GRM3: variants seen among roughly 807,000 people sequenced by gnomAD.
The protein encoded by GRM3 is glutamate metabotropic receptor 3.
A neutral mutation model predicts 70.5 loss-of-function variants in GRM3; 26 were observed. That is an observed-to-expected ratio of 0.37 (90% confidence interval 0.27 to 0.51). The LOEUF is 0.51. Ranked by LOEUF, GRM3 falls within the 20% of genes least tolerant of loss-of-function variation. The probability of loss-of-function intolerance (pLI) is 0.93; values close to 1 mark genes in which losing one functional copy is unlikely to be tolerated. For synonymous variants in GRM3, 443 were observed against 434.9 expected (o/e 1.02, Z -0.23); for missense variants, 859 against 1,123.8 (o/e 0.76, Z 3.37).
At chr7:86,819,567 C>T (rs925096034) in intron 3 of GRM3, among the ~76,000 whole-genome samples, 13 of 152,080 alleles carry the variant, frequency 8.5e-5, no homozygotes, top group South Asian at 2.1e-4. Context: ...CGAGTTGAAA[C>T]TAATGCCATG....
intron 1 of GRM3, among the ~76,000 whole-genome samples, chr7:86,718,161 C>A (rs140052739): frequency 6.6e-6 from 1 of 151,658 alleles, no homozygotes; most frequent in African/African-American, 2.4e-5. Context: ...GATCTGTTAC[C>A]ATTTACATAC....
At chr7:86,674,933 T>C (rs555258287) in intron 1 of GRM3, among the ~76,000 whole-genome samples, 3 of 152,262 alleles carry the variant, frequency 2.0e-5, no homozygotes, top group African/African-American at 7.2e-5. Context: ...TTGCAAGATT[T>C]CTCAGAAATA....
intron 2 of GRM3, among the ~76,000 whole-genome samples, chr7:86,781,965 G>A (rs1797075970): frequency 6.6e-6 from 1 of 152,102 alleles, no homozygotes; most frequent in African/African-American, 2.4e-5. Flanking sequence ...TGGTCCTCCA[G>A]GCTGCAACTC....
chr7:86,802,462 T>C (rs1428917544), intron 3 of GRM3, among the ~76,000 whole-genome samples: 1 of 152,174 alleles, frequency 6.6e-6, no homozygotes, highest in African/African-American at 2.4e-5. Context: ...ATTGTTATAA[T>C]GATGTCTTTA....
At chr7:86,663,534 G>C (rs185958601) in intron 1 of GRM3, among the ~76,000 whole-genome samples, 1 of 152,126 alleles carries the variant, frequency 6.6e-6, no homozygotes, top group African/African-American at 2.4e-5. Context: ...CACTAATTGT[G>C]GCAAGCCAAT....
chr7:86,862,446 G>A (rs41372145), intron 5 of GRM3, among the ~76,000 whole-genome samples: 3,050 of 152,196 alleles, frequency 0.02, 106 homozygotes, highest in African/African-American at 0.068. Flanking sequence ...TTTCCATCAA[G>A]TATTTATCTG....
intron 3 of GRM3, among the ~76,000 whole-genome samples, chr7:86,789,838 C>A (rs920189354): frequency 6.6e-6 from 1 of 152,210 alleles, no homozygotes; most frequent in Non-Finnish European, 1.5e-5. Flanking sequence ...TGTGTTCCCA[C>A]TAGCTAATTC....
At position 86,786,660 on chromosome 7, in the gene GRM3, C is replaced by T. The variant is rs1365944007; in HGVS notation, c.868C>T (p.Arg290Cys). Reference sequence around the variant, plus strand: ...GCGGGAGCTCATTGCAGCCGCCAGCCGCGCCAATGCCTCCTTCACCTGGGT... The same window carrying T: ...GCGGGAGCTCATTGCAGCCGCCAGCTGCGCCAATGCCTCCTTCACCTGGGT... ...DSRELIAAASRANASFTWVAS... is the reference protein window; with the variant it reads ...DSRELIAAASCANASFTWVAS... The change falls in exon 3 of 6, where the codon CGC (arginine) becomes TGC (cysteine). Residue 290 changes from arginine (R) to cysteine (C), a missense_variant. Physicochemically the swap from Arg to Cys is radical, Grantham distance 180. Coordinates refer to ENST00000361669, the MANE Select transcript of GRM3 (RefSeq NM_000840.3). The surrounding 1 kb of genome is among the most constrained non-coding windows in gnomAD (Gnocchi z 6.0). 1.2e-6 allele frequency: 2 copies of T among 1,611,918 alleles called. No individual in the cohort carries two copies. Among genetic ancestry groups the T allele is most frequent in the African/African-American group, 1.3e-5 (1 of 75,066 alleles).
intron 4 of GRM3, among the ~76,000 whole-genome samples, chr7:86,844,028 C>G (rs1798607629): frequency 6.6e-6 from 1 of 152,034 alleles, no homozygotes; most frequent in African/African-American, 2.4e-5. Context: ...AGACTAAGGA[C>G]CATACTTGGA....
chr7:86,714,888 T>G (rs1244494242), intron 1 of GRM3, among the ~76,000 whole-genome samples: 1 of 151,998 alleles, frequency 6.6e-6, no homozygotes, highest in Non-Finnish European at 1.5e-5. Flanking sequence ...AAGAGCTCGA[T>G]TTAAGCCAAT....
At chr7:86,714,495 A>G (rs1795271498) in intron 1 of GRM3, among the ~76,000 whole-genome samples, 2 of 152,074 alleles carry the variant, frequency 1.3e-5, no homozygotes, top group African/African-American at 4.8e-5. Flanking sequence ...TAACTTGCCC[A>G]AGTCACCCAG....
intron 1 of GRM3, among the ~76,000 whole-genome samples, chr7:86,761,453 T>G (rs1796478837): frequency 6.6e-6 from 1 of 152,234 alleles, no homozygotes; most frequent in Non-Finnish European, 1.5e-5. Context: ...GACCCTACCA[T>G]CAAAGAGTGC....
intron 1 of GRM3, 65 bp from the exon 2 acceptor site, chr7:86,764,941 C>T (rs1796564692): frequency 8.6e-7 from 1 of 1,162,398 alleles, no homozygotes; most frequent in Non-Finnish European, 1.1e-6. Context: ...TCTGATTGGG[C>T]ATGATCGATG....
At chr7:86,662,602 G>T (rs997040123) in intron 1 of GRM3, among the ~76,000 whole-genome samples, 3 of 151,848 alleles carry the variant, frequency 2.0e-5, no homozygotes, top group African/African-American at 7.3e-5. Context: ...TCTAAGGTCT[G>T]TATATTTATA....
intron 1 of GRM3, among the ~76,000 whole-genome samples, chr7:86,685,749 AC>A (rs2115995017): frequency 6.6e-6 from 1 of 152,136 alleles, no homozygotes; most frequent in African/African-American, 2.4e-5. Flanking sequence ...TACTAAAAAT[AC>A]AAAAAATTAG....
In GRM3 at chr7:86,696,717, TGGTAGC is replaced by T. The variant is rs1406348992; in HGVS notation, c.-141+51849_-141+51854del. ...ATAGTGGTGGTGGTGGTGGTGGTGG[TGGTAGC>T]GGTGGTAGCAGTGGTAGCTCCTGCT... On this transcript the variant is annotated intron_variant, in intron 1 of 5. Transcript: ENST00000361669. Among the ~76,000 whole-genome samples, 3 of 152,048 alleles carry T rather than the reference TGGTAGC, an allele frequency of 2.0e-5. 1 individual carries two copies. The highest frequency in any genetic ancestry group is 4.1e-4 in the South Asian group (2 of 4,828).
intron 1 of GRM3, among the ~76,000 whole-genome samples, chr7:86,676,114 C>A (rs1794300084): frequency 6.6e-6 from 1 of 151,062 alleles, no homozygotes; most frequent in African/African-American, 2.4e-5. Context: ...TTTTTTTTCC[C>A]CTCAAGCTAA....
chr7:86,861,691 A>C (rs536898317), intron 5 of GRM3, among the ~76,000 whole-genome samples: 12 of 152,336 alleles, frequency 7.9e-5, no homozygotes, highest in Non-Finnish European at 1.5e-4. Context: ...AAAAGCAAAA[A>C]GAAGGAAAAA....
intron 3 of GRM3, among the ~76,000 whole-genome samples, chr7:86,807,836 G>A (rs758817478): frequency 9.9e-5 from 15 of 152,146 alleles, no homozygotes; most frequent in Non-Finnish European, 1.5e-4. Context: ...TTTTCAAAAG[G>A]AATGCTTCCA....
Sources: allele counts gnomAD v4.1 joint callset (sites outside exome capture counted in the v4.1 genomes callset), GRCh38; gene constraint gnomAD v4.1.1; non-coding constraint Gnocchi (gnomAD v3.1); transcripts MANE v1.5; gene names NCBI Gene and HGNC (gene_info 2026-07-23, HGNC 2026-07-21).